Variants in MGAT4C observed in about 807,000 individuals in gnomAD.
MGAT4C encodes MGAT4 family member C, also known as alpha-1,3-mannosyl-glycoprotein 4-beta-N-acetylglucosaminyltransferase C.
In MGAT4C, 19 loss-of-function variants were observed where a neutral mutation model predicts 40.1. The ratio of observed to expected loss-of-function variants is 0.47; its 90% CI spans 0.33 to 0.70. The LOEUF (loss-of-function observed/expected upper bound fraction) is 0.70. Among genes scored for constraint, MGAT4C ranks in the 30% least tolerant of loss-of-function variants. The pLI is 0.02. For missense variants in MGAT4C, 491 were observed against 563.2 expected, an observed-to-expected ratio of 0.87 and a Z score of 1.30; for synonymous variants, 181 against 187.1, an observed-to-expected ratio of 0.97 and a Z score of 0.27.
At chr12:86,838,604 G>C (rs941353786) in intron 1 of MGAT4C, 1 of 152,150 alleles carries the variant, frequency 6.6e-6, no homozygotes, top group Admixed American at 6.6e-5. Flanking sequence ...TGGATCCCTA[G>C]CTCATTAGAC....
intron 2 of MGAT4C, among the ~76,000 whole-genome samples, chr12:86,632,162 T>G (rs1299072656): frequency 6.6e-6 from 1 of 151,990 alleles, no homozygotes; most frequent in Non-Finnish European, 1.5e-5. Flanking sequence ...AAAATGCTCA[T>G]CATCACTGGT....
chr12:86,194,080 T>C (rs1002912747), intron 1 of MGAT4C, among the ~76,000 whole-genome samples: 1 of 152,240 alleles, frequency 6.6e-6, no homozygotes, highest in Admixed American at 6.5e-5. Context: ...TTTTTTTCTG[T>C]TATCTACTCT....
chr12:86,802,498 T>C (rs902914934), intron 1 of MGAT4C, among the ~76,000 whole-genome samples: 2 of 152,028 alleles, frequency 1.3e-5, no homozygotes, highest in African/African-American at 4.8e-5. Flanking sequence ...CTTAGCAAGG[T>C]AGCAGAATAT....
At chr12:86,333,830 A>G (rs1438574819) in intron 4 of MGAT4C, among the ~76,000 whole-genome samples, 1 of 152,202 alleles carries the variant, frequency 6.6e-6, no homozygotes, top group Non-Finnish European at 1.5e-5. Flanking sequence ...CTTAAACTGA[A>G]TATCAGTTAA....
At chr12:86,799,511 G>A (rs913985718) in intron 1 of MGAT4C, among the ~76,000 whole-genome samples, 1 of 151,740 alleles carries the variant, frequency 6.6e-6, no homozygotes, top group African/African-American at 2.4e-5. Context: ...CTATCATTAT[G>A]TCAATTTTCT....
intron 1 of MGAT4C, chr12:86,068,560 T>A (rs1362414736): frequency 6.7e-6 from 1 of 148,226 alleles, no homozygotes; most frequent in Non-Finnish European, 1.5e-5. Context: ...TATATATAAG[T>A]ATATTTATAT....
chr12:86,765,046 C>T lies in MGAT4C; in HGVS notation c.-261-37805G>A, dbSNP rs541389695. Among the ~76,000 whole-genome samples, 11 of 152,234 alleles carry T rather than the reference C, an allele frequency of 7.2e-5. No individual in the cohort carries two copies. In the East Asian group the frequency reaches 1.9e-3, roughly 27 times the overall value. ...ACTTTGACAAGTTGAGAGAAGAAGG[C>T]TTCAGATGATCAAACTACTCTGAGC... On this transcript the variant is annotated intron_variant, in intron 1 of 7. Coordinates refer to the MGAT4C transcript ENST00000548651.
At chr12:86,013,645 G>T in intron 2 of MGAT4C, 1 of 694,258 alleles carries the variant, frequency 1.4e-6, no homozygotes, top group Non-Finnish European at 1.8e-6. Context: ...CTGTGAACGT[G>T]TACTATTCTT....
chr12:86,667,356 A>G (rs776866569), intron 2 of MGAT4C, among the ~76,000 whole-genome samples: 25 of 152,202 alleles, frequency 1.6e-4, no homozygotes, highest in Non-Finnish European at 3.2e-4. Flanking sequence ...GCAGGCTAAC[A>G]TGTAAACGTT....
intron 2 of MGAT4C, among the ~76,000 whole-genome samples, chr12:86,633,123 T>C (rs1335502721): frequency 1.3e-5 from 2 of 151,834 alleles, no homozygotes; most frequent in African/African-American, 4.8e-5. Context: ...ACGACCATAA[T>C]TGAAGTAATA....
Position 86,798,154 on chromosome 12 carries a change from C to T in MGAT4C, c.-262+40512G>A, listed in dbSNP as rs111869253. The stretch of plus-strand genomic sequence containing the variant: ...AACTGACCAGATCCTTTCCATGACA[C>T]GTGAAGCCATCACAGGTTGCACACC... On this transcript the variant is annotated intron_variant, in intron 1 of 7. Coordinates refer to the MGAT4C transcript ENST00000548651. 6.9e-3 allele frequency among the ~76,000 whole-genome samples: 1,051 copies of T among 152,002 alleles called. 7 individuals carry two copies. The highest frequency in any genetic ancestry group is 0.012 in the Non-Finnish European group (821 of 67,920).
At chr12:86,834,543 A>G (rs1479374461) in intron 1 of MGAT4C, among the ~76,000 whole-genome samples, 1 of 151,718 alleles carries the variant, frequency 6.6e-6, no homozygotes, top group Non-Finnish European at 1.5e-5. Flanking sequence ...GTATTTTGTG[A>G]CATTTTGTCA....
chr12:86,376,218 C>CAAAAA (rs1166300466), intron 3 of MGAT4C, among the ~76,000 whole-genome samples: 1 of 50,750 alleles, frequency 2.0e-5, no homozygotes, highest in African/African-American at 8.3e-5. Flanking sequence ...TAACACATGT[C>CAAAAA]AAAAAAAAAA....
intron 3 of MGAT4C, among the ~76,000 whole-genome samples, chr12:86,422,394 T>C (rs1329177910): frequency 6.6e-6 from 1 of 152,186 alleles, no homozygotes; most frequent in Non-Finnish European, 1.5e-5. Context: ...CAAAATTTAC[T>C]CACAGATCAG....
intron 2 of MGAT4C, among the ~76,000 whole-genome samples, chr12:86,583,905 G>C (rs1379124660): frequency 3.3e-5 from 5 of 150,928 alleles, no homozygotes; most frequent in Non-Finnish European, 7.4e-5. Context: ...TTATTTGGCA[G>C]CTAAATTTTA....
At chr12:86,276,661 T>C (rs1953088035) in intron 4 of MGAT4C, among the ~76,000 whole-genome samples, 1 of 152,200 alleles carries the variant, frequency 6.6e-6, no homozygotes, top group Non-Finnish European at 1.5e-5. Flanking sequence ...TTTTACCTCC[T>C]ACAAATGAGT....
chr12:86,595,358 C>A (rs1332540065), intron 2 of MGAT4C, among the ~76,000 whole-genome samples: 1 of 152,000 alleles, frequency 6.6e-6, no homozygotes, highest in Admixed American at 6.6e-5. Context: ...TGCTGAAACA[C>A]CATCTCTACT....
chr12:86,778,959 G>A (rs1322258817), intron 1 of MGAT4C, among the ~76,000 whole-genome samples: 1 of 147,942 alleles, frequency 6.8e-6, no homozygotes, highest in Non-Finnish European at 1.5e-5. Flanking sequence ...ATTGTGCCTG[G>A]TATTTTAAAT....
intron 2 of MGAT4C, among the ~76,000 whole-genome samples, chr12:86,669,519 C>T (rs1204439758): frequency 1.3e-5 from 2 of 152,178 alleles, no homozygotes; most frequent in Admixed American, 1.3e-4. Context: ...AGGCTGTCCC[C>T]CATCCCCATG....
Sources: gnomAD v4.1 joint callset for allele counts (sites outside exome capture counted in the v4.1 genomes callset) on GRCh38, gnomAD v4.1.1 for gene constraint, MANE v1.5 for transcripts, NCBI Gene and HGNC (gene_info 2026-07-23, HGNC 2026-07-21) for gene names.